WDFY4: variants seen among roughly 807,000 people sequenced by gnomAD.
WDFY4 encodes the protein WDFY family member 4, also known as WD repeat- and FYVE domain-containing protein 4.
Under a neutral mutation model 351.9 loss-of-function variants are expected in WDFY4, and 169 were observed. That is an observed-to-expected ratio of 0.48 (90% CI 0.42 to 0.55). The LOEUF (loss-of-function observed/expected upper bound fraction) is 0.55, where lower values mean the gene tolerates loss of function less well. Ranked by LOEUF, WDFY4 falls within the 20% of genes least tolerant of loss-of-function variation. WDFY4 has a pLI of 0.00. For synonymous variants in WDFY4, 1,622 were observed against 1,574.6 expected, an observed-to-expected ratio of 1.03 and a Z score of -0.71; for missense variants, 3,803 against 3,935.6, an observed-to-expected ratio of 0.97 and a Z score of 0.90.
intron 44 of WDFY4, among the ~76,000 whole-genome samples, chr10:48,894,762 T>C (rs1836988194): frequency 6.6e-6 from 1 of 152,092 alleles, no homozygotes; most frequent in African/African-American, 2.4e-5. Context: ...AAGCATGGGA[T>C]GATGGGAGCA....
rs1343128557 is a variant in WDFY4, at chr10:48,787,941, T to TCTC, written c.3809-587_3809-586insCCT. Among the ~76,000 whole-genome samples the TCTC allele has an allele frequency of 2.9e-3, 283 of 96,992 alleles. 10 individuals are homozygous for TCTC. Among genetic ancestry groups the TCTC allele is most frequent in the East Asian group, 9.8e-3 (34 of 3,474 alleles). 63.6% of individuals were successfully genotyped at this position (96,992 alleles called of 152,430 possible). The stretch of plus-strand genomic sequence containing the variant: ...TTCTTCTTCTTCTTCTTCTTCTTCT[T>TCTC]CTTCTTCTTCTTCTTCTTCTTCTTC... On this transcript the variant is annotated intron_variant, in intron 20 of 61. Coordinates refer to ENST00000325239, the MANE Select transcript of WDFY4 (RefSeq NM_001394531.1).
At position 48,774,519 on chromosome 10, in the gene WDFY4, A is replaced by G; in HGVS notation, c.2615A>G (p.Lys872Arg). ...ATCCAGTCCCTGGTGAAGTCGGAGA[A>G]GAACCGCCAGGTCATGTGCGAAGCA... ...SHIQSLVKSE[K>R]NRQVMCEAGL... The change falls in exon 14 of 62, where the codon AAG becomes AGG. Residue 872 changes from lysine to arginine, a missense_variant. Physicochemically the swap from Lys to Arg is conservative, Grantham distance 26. This residue lies in a region of WDFY4 where 3,054 missense variants were observed against 3,148.6 expected (regional missense o/e 0.97). Coordinates refer to ENST00000325239, the MANE Select transcript of WDFY4 (RefSeq NM_001394531.1). 6.4e-7 allele frequency: 1 copy of G among 1,551,742 alleles called. No homozygotes were observed. Among genetic ancestry groups the G allele is most frequent in the Non-Finnish European group, 8.7e-7 (1 of 1,147,000 alleles).
At chr10:48,852,789 T>C (rs576179229) in intron 39 of WDFY4, among the ~76,000 whole-genome samples, 20 of 152,316 alleles carry the variant, frequency 1.3e-4, no homozygotes, top group African/African-American at 4.8e-4. Flanking sequence ...GGGCTGTGTG[T>C]CCCATCCTTA....
rs150791619 is a variant in WDFY4, at chr10:48,858,195, C to A, written c.6664-9070C>A. Reference sequence around the variant, plus strand: ...TCTCTCAGAGTGTAGATTGTCATAGCGTTGTTCTCATGGTTTTGCAGAGCA... The same window carrying A: ...TCTCTCAGAGTGTAGATTGTCATAGAGTTGTTCTCATGGTTTTGCAGAGCA... On this transcript the variant is annotated intron_variant, in intron 39 of 61. Coordinates refer to ENST00000325239, the MANE Select transcript of WDFY4 (RefSeq NM_001394531.1). 2.7e-5 allele frequency among the ~76,000 whole-genome samples: 4 copies of A among 150,748 alleles called. No individual in the cohort carries two copies. In the East Asian group the frequency reaches 5.9e-4, roughly 22 times the overall value.
In WDFY4 at chr10:48,721,342, T is replaced by C. The variant is rs2064081444; in HGVS notation, c.431T>C (p.Val144Ala). ...GATGGCTACTTGCTCCTGAAGTCAG[T>C]GTACGTGCTCACGGGGACAGACTCG... Reference protein sequence around the residue: ...DQDGYLLLKSVYVLTGTDSET... With the variant: ...DQDGYLLLKSAYVLTGTDSET... Residue 144 changes from valine to alanine, a missense_variant, in exon 4 of 62, where the codon GTG becomes GCG. Coordinates refer to ENST00000325239, the MANE Select transcript of WDFY4 (RefSeq NM_001394531.1). 1.9e-6 allele frequency: 3 copies of C among 1,551,510 alleles called. No homozygotes were observed. The highest frequency in any genetic ancestry group is 1.2e-5 in the South Asian group (1 of 84,060).
At chr10:48,977,963 G>A (rs2131875160) in intron 59 of WDFY4, among the ~76,000 whole-genome samples, 1 of 152,314 alleles carries the variant, frequency 6.6e-6, no homozygotes, top group South Asian at 2.1e-4. Context: ...TCTAGAGGTG[G>A]TAGCATTATG....
intron 47 of WDFY4, among the ~76,000 whole-genome samples, chr10:48,924,526 G>C (rs1340260492): frequency 6.6e-6 from 1 of 152,234 alleles, no homozygotes; most frequent in Non-Finnish European, 1.5e-5. Flanking sequence ...ATTTATGTAT[G>C]GTTGGATGGA....
chr10:48,808,161 G>T (rs1360777482), intron 28 of WDFY4, among the ~76,000 whole-genome samples: 1 of 152,172 alleles, frequency 6.6e-6, no homozygotes, highest in African/African-American at 2.4e-5. Flanking sequence ...ATGTTAAGTG[G>T]ACATGAGTAA....
chr10:48,979,088 T>C (rs1842699028), intron 60 of WDFY4: 1 of 152,254 alleles, frequency 6.6e-6, no homozygotes, highest in Admixed American at 6.5e-5. Flanking sequence ...GGCTCTATAT[T>C]AGTGGTCCCT....
intron 43 of WDFY4, among the ~76,000 whole-genome samples, chr10:48,885,697 A>T (rs923196594): frequency 1.6e-4 from 24 of 152,084 alleles, no homozygotes; most frequent in Non-Finnish European, 3.2e-4. Flanking sequence ...TGTAAAATAT[A>T]AAACAATAAG....
intron 50 of WDFY4, 112 bp from the exon 51 acceptor site, chr10:48,946,748 C>T (rs1216326660): frequency 2.0e-5 from 16 of 788,270 alleles, no homozygotes; most frequent in South Asian, 8.6e-5. Context: ...ACTTCCTAAA[C>T]GTCAATGAAT....
intron 39 of WDFY4, among the ~76,000 whole-genome samples, chr10:48,848,267 G>A (rs1195239802): frequency 6.6e-6 from 1 of 152,204 alleles, no homozygotes; most frequent in African/African-American, 2.4e-5. Context: ...AACAGGGACA[G>A]CATTTCATCT....
intron 39 of WDFY4, among the ~76,000 whole-genome samples, chr10:48,863,851 T>C (rs931016649): frequency 5.9e-5 from 9 of 152,200 alleles, no homozygotes; most frequent in South Asian, 4.1e-4. Flanking sequence ...TGGCAGAAGG[T>C]GGAGAGGAAC....
chr10:48,774,712 G>C, intron 14 of WDFY4, 40 bp downstream of exon 14: 1 of 1,549,922 alleles, frequency 6.5e-7, no homozygotes. Flanking sequence ...AAGCTGGGCA[G>C]CCATGTCCTT....
intron 35 of WDFY4, chr10:48,823,685 C>T (rs1453383878): frequency 2.0e-6 from 2 of 999,210 alleles, no homozygotes; most frequent in Non-Finnish European, 2.4e-6. Flanking sequence ...CTGCTGAGCT[C>T]CCTATGGCTA....
intron 46 of WDFY4, 103 bp downstream of exon 46, chr10:48,900,409 A>G: frequency 9.2e-7 from 1 of 1,084,052 alleles, no homozygotes; most frequent in Non-Finnish European, 1.3e-6. Context: ...TTCTCAACCC[A>G]CAGTGAACGC....
At chr10:48,789,508 T>C (rs1247493676) in intron 21 of WDFY4, among the ~76,000 whole-genome samples, 3 of 152,216 alleles carry the variant, frequency 2.0e-5, no homozygotes, top group South Asian at 4.1e-4. Flanking sequence ...TCCCAGAGCC[T>C]GAACAACCCT....
intron 32 of WDFY4, among the ~76,000 whole-genome samples, 158 bp downstream of exon 32, chr10:48,817,567 T>C (rs768945786): frequency 6.6e-5 from 10 of 152,388 alleles, no homozygotes; most frequent in East Asian, 1.9e-4. Flanking sequence ...AACCATCCTT[T>C]TTTGGCTGAG....
chr10:48,820,551 A>G, intron 33 of WDFY4, 114 bp downstream of exon 33: 2 of 1,161,014 alleles, frequency 1.7e-6, no homozygotes, highest in Non-Finnish European at 2.4e-6. Context: ...ACAGCGAGTG[A>G]AGGGGAATCT....
Sources: gnomAD v4.1 joint callset for allele counts (sites outside exome capture counted in the v4.1 genomes callset) on GRCh38, gnomAD v4.1.1 for gene constraint, gnomAD v4.1.1 regional missense constraint, MANE v1.5 for transcripts, NCBI Gene and HGNC (gene_info 2026-07-23, HGNC 2026-07-21) for gene names.